Variants in SDCCAG8 observed in about 807,000 individuals in gnomAD.
SDCCAG8 encodes the protein serologically defined colon cancer antigen 8.
In SDCCAG8, 74 loss-of-function variants were observed where a neutral mutation model predicts 101.8. The observed-to-expected ratio is 0.73, with a 90% CI of 0.60 to 0.88. SDCCAG8 has a LOEUF of 0.88. Among genes scored for constraint, SDCCAG8 ranks in the 40% least tolerant of loss-of-function variants. The pLI is 0.00. For missense variants in SDCCAG8, 787 were observed against 822.6 expected, an observed-to-expected ratio of 0.96 and a Z score of 0.53; for synonymous variants, 281 against 292.9, an observed-to-expected ratio of 0.96 and a Z score of 0.41.
chr1:243,428,812 T>C (rs1345189559), intron 16 of SDCCAG8, among the ~76,000 whole-genome samples: 1 of 152,176 alleles, frequency 6.6e-6, no homozygotes, highest in East Asian at 1.9e-4. Flanking sequence ...TAGCACACAC[T>C]GTACTACCGT....
chr1:243,275,668 C>G (rs1029311830), intron 4 of SDCCAG8, among the ~76,000 whole-genome samples: 7 of 151,982 alleles, frequency 4.6e-5, no homozygotes, highest in Admixed American at 6.6e-5. Flanking sequence ...AGATATAAAG[C>G]AGAATAAATT....
rs78292277 is a variant in SDCCAG8 at position 243,363,077 on chromosome 1, C to T, written c.1474-15644C>T. Among the ~76,000 whole-genome samples the T allele has an allele frequency of 2.6e-4, 40 of 152,256 alleles. 1 individual carries two copies. The East Asian group carries it at 7.7e-3, about 29-fold the overall frequency. ...GGTTTGTGTCACAGACACATTTGATCAGCACATCGGTGGCATCCTCATTAA... is the reference window on the plus strand; with the variant it reads ...GGTTTGTGTCACAGACACATTTGATTAGCACATCGGTGGCATCCTCATTAA... On this transcript the variant is annotated intron_variant, in intron 12 of 17. Transcript: ENST00000366541.
intron 12 of SDCCAG8, among the ~76,000 whole-genome samples, chr1:243,345,770 C>T (rs1409598905): frequency 6.6e-6 from 1 of 151,610 alleles, no homozygotes; most frequent in African/African-American, 2.4e-5. Flanking sequence ...AAAGGAATAA[C>T]TTGTTTAGAA....
chr1:243,450,325 A>C (rs999506489), intron 16 of SDCCAG8, among the ~76,000 whole-genome samples: 1 of 152,194 alleles, frequency 6.6e-6, no homozygotes, highest in African/African-American at 2.4e-5. Flanking sequence ...ATGTGTCCTC[A>C]GTTCTTTCCA....
At chr1:243,470,650 G>A (rs914220459) in intron 16 of SDCCAG8, among the ~76,000 whole-genome samples, 4 of 152,052 alleles carry the variant, frequency 2.6e-5, no homozygotes, top group African/African-American at 4.8e-5. Flanking sequence ...GCATACAGCC[G>A]TGCTGTGCTT....
intron 6 of SDCCAG8, among the ~76,000 whole-genome samples, chr1:243,296,060 A>G (rs1050152345): frequency 2.0e-5 from 3 of 151,952 alleles, no homozygotes; most frequent in Non-Finnish European, 4.4e-5. Context: ...CAGTGGCGCA[A>G]TCTCAGCTCA....
intron 6 of SDCCAG8, among the ~76,000 whole-genome samples, chr1:243,297,875 G>T (rs2071087547): frequency 6.6e-6 from 1 of 152,024 alleles, no homozygotes; most frequent in Non-Finnish European, 1.5e-5. Flanking sequence ...TTCCCACTCT[G>T]TGGCTTCGCT....
At position 243,437,531 on chromosome 1, in the gene SDCCAG8, C is replaced by CT. The variant is rs931257839; in HGVS notation, c.1985+10991dup. ...AATCCTAAAATGACATGGAGGAATT[C>CT]TTTTTTTTTTTTTTTTTTGTATTGA... On this transcript the variant is annotated intron_variant, in intron 16 of 17. Coordinates refer to ENST00000366541, the MANE Select transcript of SDCCAG8 (RefSeq NM_006642.5). Among the ~76,000 whole-genome samples, 1,133 of 129,572 alleles carry CT rather than the reference C, an allele frequency of 8.7e-3. 4 individuals are homozygous for CT. Among genetic ancestry groups the CT allele is most frequent in the East Asian group, 0.018 (82 of 4,494 alleles). The allele number at this position is 129,572 out of a possible 152,430, so 85.0% of individuals were successfully genotyped here. A position where few individuals can be genotyped will look rare whatever the true frequency, so the allele number is the denominator to read the frequency against.
chr1:243,493,217 T>G (rs1667003064), intron 17 of SDCCAG8, among the ~76,000 whole-genome samples: 1 of 8,450 alleles, frequency 1.2e-4, no homozygotes, highest in African/African-American at 5.7e-4. Flanking sequence ...GCTGAAACCT[T>G]GGTGGTGGGG....
At chr1:243,364,373 C>T (rs2076879565) in intron 12 of SDCCAG8, among the ~76,000 whole-genome samples, 1 of 152,020 alleles carries the variant, frequency 6.6e-6, no homozygotes, top group Admixed American at 6.6e-5. Flanking sequence ...TTAGTAAGAG[C>T]CTATAGGTGA....
intron 17 of SDCCAG8, among the ~76,000 whole-genome samples, chr1:243,496,219 T>A (rs1315896495): frequency 2.6e-5 from 4 of 152,212 alleles, no homozygotes; most frequent in Admixed American, 2.6e-4. Context: ...GGAAATGAAC[T>A]TCTTCTCAGG....
chr1:243,364,464 TGTTCTCTGTAATTAGGTAC>T (rs1269742618), intron 12 of SDCCAG8, among the ~76,000 whole-genome samples: 2 of 152,188 alleles, frequency 1.3e-5, no homozygotes, highest in African/African-American at 4.8e-5. Flanking sequence ...TTCATACTGA[TGTTCTCTGTAATTAGGTAC>T]ACCAAGGAGT....
chr1:243,408,763 T>C (rs781552827), intron 13 of SDCCAG8, among the ~76,000 whole-genome samples: 1 of 152,202 alleles, frequency 6.6e-6, no homozygotes, highest in African/African-American at 2.4e-5. Flanking sequence ...CATTTTCTTA[T>C]CTATAAAGTG....
chr1:243,374,617 C>G (rs2077485899), intron 12 of SDCCAG8, among the ~76,000 whole-genome samples: 1 of 151,950 alleles, frequency 6.6e-6, no homozygotes, highest in Admixed American at 6.6e-5. Context: ...TGTACACATA[C>G]AATAATAGCA....
At chr1:243,421,469 T>C (rs552863167) in intron 15 of SDCCAG8, among the ~76,000 whole-genome samples, 1 of 152,318 alleles carries the variant, frequency 6.6e-6, no homozygotes, top group East Asian at 1.9e-4. Context: ...TGTATGTGTT[T>C]TCTCCCCAAG....
chr1:243,369,454 T>C (rs118165601), intron 12 of SDCCAG8, among the ~76,000 whole-genome samples: 1 of 152,244 alleles, frequency 6.6e-6, no homozygotes, highest in East Asian at 1.9e-4. Context: ...GAGTCACCCA[T>C]ACTTCTTCCA....
In SDCCAG8 at chr1:243,327,952, T is replaced by G. The variant is rs189289705; in HGVS notation, c.1069-2588T>G. Among the ~76,000 whole-genome samples, 294 of 152,160 alleles carry G rather than the reference T, an allele frequency of 1.9e-3. 1 individual carries two copies. The highest frequency in any genetic ancestry group is 3.7e-3 in the Admixed American group (57 of 15,290). On this transcript the variant is annotated intron_variant, in intron 9 of 17. Transcript: ENST00000366541. ...GAGTCTCGCTCTGTCGCCCAGGCTG[T>G]AGTGCAGTGGTGCGATCTCAGCTCA... is the stretch of plus-strand genomic sequence containing the variant.
At position 243,293,080 on chromosome 1, in the gene SDCCAG8, T is replaced by C. The variant is rs1257303469; in HGVS notation, c.547-11T>C. 6.2e-7 allele frequency: 1 copy of C among 1,614,052 alleles called. No homozygotes were observed. On this transcript the variant is annotated splice_polypyrimidine_tract_variant and intron_variant, in intron 5 of 17. Transcript: ENST00000366541. ...GAATTCAGTTGCAGTTACTGGCACATTTTATTTTAGGGAAACATGCACAAT... is the reference window on the plus strand; with the variant it reads ...GAATTCAGTTGCAGTTACTGGCACACTTTATTTTAGGGAAACATGCACAAT...
intron 13 of SDCCAG8, among the ~76,000 whole-genome samples, chr1:243,385,354 C>T (rs1558392497): frequency 1.3e-5 from 2 of 152,066 alleles, no homozygotes; most frequent in East Asian, 1.9e-4. Context: ...GGCACTGCTG[C>T]ACTCCAGCCT....
Sources: allele counts gnomAD v4.1 joint callset (sites outside exome capture counted in the v4.1 genomes callset), GRCh38; gene constraint gnomAD v4.1.1; transcripts MANE v1.5; gene names NCBI Gene and HGNC (gene_info 2026-07-23, HGNC 2026-07-21).